WHRN: variants seen among roughly 807,000 people sequenced by gnomAD.
WHRN encodes the protein CASK-interacting protein CIP98.
Under a neutral mutation model 68.3 loss-of-function variants are expected in WHRN, and 41 were observed. The observed-to-expected ratio is 0.60, with a 90% CI of 0.47 to 0.78. WHRN has a LOEUF of 0.78. Among genes scored for constraint, WHRN ranks in the 30% least tolerant of loss-of-function variants. WHRN has a pLI of 0.00. For synonymous variants in WHRN, 560 were observed against 561.3 expected (o/e 1.00, Z 0.03); for missense variants, 1,243 against 1,244.7 (o/e 1.00, Z 0.02).
At chr9:114,504,154 C>G (rs1362097746) in intron 1 of WHRN, 30 bp downstream of exon 1, 3 of 1,613,766 alleles carry the variant, frequency 1.9e-6, no homozygotes, top group Non-Finnish European at 2.5e-6. Flanking sequence ...CCATACTCTG[C>G]CCCAGACTCT....
chr9:114,408,160 A>C (rs966607881), intron 7 of WHRN, 142 bp from the exon 8 acceptor site: 2 of 719,846 alleles, frequency 2.8e-6, no homozygotes, highest in African/African-American at 3.5e-5. Context: ...CACTTCATCG[A>C]AATTCACTTT....
chr9:114,436,448 T>C lies in WHRN; in HGVS notation c.964-10035A>G, dbSNP rs117561263. Among the ~76,000 whole-genome samples, 322 of 152,238 alleles carry C rather than the reference T, an allele frequency of 2.1e-3. 7 individuals are homozygous for C. In the South Asian group the frequency reaches 0.033, roughly 16 times the overall value. The stretch of plus-strand genomic sequence containing the variant: ...AATGTTAATAATAGGGGAAAATGTG[T>C]TGGGGACGGGTTGGGGCAGAGGAGG... On this transcript the variant is annotated intron_variant, in intron 3 of 11. Coordinates refer to ENST00000362057, the MANE Select transcript of WHRN (RefSeq NM_015404.4).
rs1180740910 is a variant in WHRN, at chr9:114,406,320, C to T, written c.2236+35G>A. On this transcript the variant is annotated intron_variant, in intron 9 of 11. Coordinates refer to ENST00000362057, the MANE Select transcript of WHRN (RefSeq NM_015404.4). ...ACTGACCTGAAGAGGACAGGGACCC[C>T]CAAGGACCACAGAGCCTGGCCTTGC... is the stretch of plus-strand genomic sequence containing the variant. 1.9e-6 allele frequency: 3 copies of T among 1,613,194 alleles called. No individual in the cohort carries two copies. In the Admixed American group the frequency reaches 5.0e-5, roughly 27 times the overall value.
At chr9:114,425,403 T>C in intron 4 of WHRN, 1 of 557,810 alleles carries the variant, frequency 1.8e-6, no homozygotes, top group Non-Finnish European at 3.2e-6. Context: ...AGATCCCAGA[T>C]GCAACTCGCA....
intron 3 of WHRN, among the ~76,000 whole-genome samples, chr9:114,446,501 TG>T (rs1254474058): frequency 5.9e-5 from 9 of 152,320 alleles, no homozygotes; most frequent in African/African-American, 2.2e-4. Flanking sequence ...TTATAGCATA[TG>T]AATTGTATCT....
intron 3 of WHRN, among the ~76,000 whole-genome samples, chr9:114,457,524 T>C (rs1336118640): frequency 6.6e-6 from 1 of 152,100 alleles, no homozygotes; most frequent in Non-Finnish European, 1.5e-5. Context: ...TTCCCATTAA[T>C]AAACATAGAA....
Position 114,466,391 on chromosome 9 carries a change from A to G in WHRN, c.839T>C (p.Val280Ala). The G allele has an allele frequency of 6.2e-7, 1 of 1,614,042 alleles. No homozygotes were observed. The highest frequency in any genetic ancestry group is 1.7e-5 in the Admixed American group (1 of 60,024). ...CCGGCCGTCCCCCAGCACCAGGTTC[A>G]CCTGTCAGAGGGAGAGGATAACATT... ...HLLQGGDEKK[V>A]NLVLGDGRSL... Residue 280 changes from valine (V) to alanine (A), a missense_variant and splice_region_variant, in exon 3 of 12, where the codon GTG becomes GCG. Transcript: ENST00000362057.
At chr9:114,468,923 G>A (rs898959865) in intron 2 of WHRN, among the ~76,000 whole-genome samples, 3 of 152,214 alleles carry the variant, frequency 2.0e-5, no homozygotes, top group African/African-American at 4.8e-5. Context: ...GCATATTTGG[G>A]AGGAAACCAC....
In WHRN at chr9:114,445,037, G is replaced by GTTATTATTATTATTA. The variant is rs566119848; in HGVS notation, c.964-18639_964-18625dup. Among the ~76,000 whole-genome samples the GTTATTATTATTATTA allele has an allele frequency of 3.0e-3, 459 of 150,794 alleles. 1 individual carries two copies. The highest frequency in any genetic ancestry group is 0.011 in the African/African-American group (441 of 41,068). ...TACTTTTGAACTCAGGTTTTTTAAT[G>GTTATTATTATTATTA]TTATTATTATTATTATTATTATTAG... is the stretch of plus-strand genomic sequence containing the variant. On this transcript the variant is annotated intron_variant, in intron 3 of 11. Transcript: ENST00000362057.
At chr9:114,494,869 G>A (rs72615097) in intron 1 of WHRN, among the ~76,000 whole-genome samples, 8 of 55,084 alleles carry the variant, frequency 1.5e-4, no homozygotes, top group Non-Finnish European at 4.6e-4. Context: ...ACAAAGAAAA[G>A]AAAACACCAA....
intron 3 of WHRN, among the ~76,000 whole-genome samples, chr9:114,450,020 G>C (rs1340354704): frequency 1.3e-5 from 2 of 152,108 alleles, no homozygotes; most frequent in Non-Finnish European, 2.9e-5. Flanking sequence ...AAGGAAGCAA[G>C]AGCCAACTCT....
At chr9:114,411,236 A>G (rs1450586727) in intron 7 of WHRN, among the ~76,000 whole-genome samples, 3 of 152,182 alleles carry the variant, frequency 2.0e-5, no homozygotes, top group Admixed American at 1.3e-4. Flanking sequence ...AATGAGTCCA[A>G]TGCTCCCTGG....
chr9:114,417,126 G>A (rs1171974986), intron 7 of WHRN, among the ~76,000 whole-genome samples: 1 of 152,238 alleles, frequency 6.6e-6, no homozygotes. Context: ...CTGGCTCTCT[G>A]TTAGACAAAT....
chr9:114,444,907 T>C (rs1838691642), intron 3 of WHRN, among the ~76,000 whole-genome samples: 2 of 152,162 alleles, frequency 1.3e-5, no homozygotes, highest in South Asian at 2.1e-4. Flanking sequence ...TTATCCATAT[T>C]ATATTCCATG....
intron 1 of WHRN, among the ~76,000 whole-genome samples, chr9:114,497,026 C>T (rs949258663): frequency 7.9e-5 from 12 of 152,190 alleles, no homozygotes; most frequent in Non-Finnish European, 1.6e-4. Context: ...TGGTTAAGGC[C>T]TGGCTGGGGA....
intron 9 of WHRN, among the ~76,000 whole-genome samples, chr9:114,405,883 G>A (rs1311328191): frequency 6.6e-6 from 1 of 152,224 alleles, no homozygotes; most frequent in Non-Finnish European, 1.5e-5. Context: ...CCGGGGCACA[G>A]CGTCAGCTGG....
In WHRN at chr9:114,424,444, C is replaced by T. The variant is rs757963300; in HGVS notation, c.1306G>A (p.Glu436Lys). The T allele has an allele frequency of 1.1e-5, 17 of 1,613,552 alleles. No individual in the cohort carries two copies. The highest frequency in any genetic ancestry group is 8.8e-5 in the South Asian group (8 of 91,058). Residue 436 changes from glutamate (E) to lysine (K), a missense_variant, in exon 6 of 12, where the codon GAG (glutamate) becomes AAG (lysine). Glu to Lys is a moderately conservative substitution (Grantham distance 56, BLOSUM62 1). Coordinates refer to ENST00000362057, the MANE Select transcript of WHRN (RefSeq NM_015404.4). ...LEEQARHLLNEQEHATMAYYL... is the reference protein window; with the variant it reads ...LEEQARHLLNKQEHATMAYYL... The stretch of plus-strand genomic sequence containing the variant: ...TAGGCCATGGTGGCGTGTTCCTGCT[C>T]GTTCAGCAGGTGCCGAGCCTGCTCC...
chr9:114,405,532 T>A (rs1589061773), intron 9 of WHRN, among the ~76,000 whole-genome samples: 2 of 152,188 alleles, frequency 1.3e-5, no homozygotes, highest in Non-Finnish European at 2.9e-5. Flanking sequence ...AGTACGGCTG[T>A]TAGCTCTTAT....
At chr9:114,423,144 T>G (rs1256642967) in intron 7 of WHRN, among the ~76,000 whole-genome samples, 170 bp downstream of exon 7, 3 of 151,980 alleles carry the variant, frequency 2.0e-5, no homozygotes, top group Non-Finnish European at 4.4e-5. Context: ...GCAGTAGACA[T>G]TCAACAACTA....
Sources: allele counts gnomAD v4.1 joint callset (sites outside exome capture counted in the v4.1 genomes callset), GRCh38; gene constraint gnomAD v4.1.1; transcripts MANE v1.5; gene names NCBI Gene and HGNC (gene_info 2026-07-23, HGNC 2026-07-21).